The following TSPEAR variants were observed in gnomAD, a reference collection of about 807,000 sequenced individuals.
TSPEAR encodes thrombospondin type laminin G domain and EAR repeats.
TSPEAR carries 69 observed loss-of-function variants against 71.6 expected under a neutral mutation model. The ratio of observed to expected loss-of-function variants is 0.96; its 90% CI spans 0.79 to 1.18. The LOEUF (loss-of-function observed/expected upper bound fraction) is 1.18. Among genes scored for constraint, TSPEAR ranks in the 50% most tolerant of loss-of-function variants. The probability of loss-of-function intolerance (pLI) is 0.00; values close to 1 mark genes in which losing one functional copy is unlikely to be tolerated. For synonymous variants in TSPEAR, 402 were observed against 387.2 expected (o/e 1.04, Z -0.45); for missense variants, 971 against 894.9 (o/e 1.09, Z -1.09).
chr21:44,603,031 C>T (rs1430236165), intron 1 of TSPEAR, among the ~76,000 whole-genome samples: 1 of 146,032 alleles, frequency 6.8e-6, no homozygotes, highest in Non-Finnish European at 1.5e-5. Flanking sequence ...TCTGGTAGTG[C>T]TTCCTTTGAC....
chr21:44,523,471 T>G (rs1208110096), intron 8 of TSPEAR, among the ~76,000 whole-genome samples: 1 of 151,152 alleles, frequency 6.6e-6, no homozygotes, highest in Non-Finnish European at 1.5e-5. Context: ...AATCAGTCAG[T>G]CAGGCAGTTA....
rs1981761734 is a variant in TSPEAR at position 44,612,475 on chromosome 21, G to A, written c.83-44470C>T. Reference sequence around the variant, plus strand: ...CCTGCTGTGTGCCTGTGTGCTGCAAGTCCAACTGCTGCAAGCCCGTGTGCT... The same window carrying A: ...CCTGCTGTGTGCCTGTGTGCTGCAAATCCAACTGCTGCAAGCCCGTGTGCT... On this transcript the variant is annotated intron_variant, in intron 1 of 11. Transcript: ENST00000323084. This position sits in a 1 kb window ranked among gnomAD's most constrained non-coding sequence, Gnocchi z 4.1. 1.2e-6 allele frequency: 2 copies of A among 1,609,494 alleles called. No homozygotes were observed. The highest frequency in any genetic ancestry group is 2.7e-5 in the African/African-American group (2 of 74,376).
intron 1 of TSPEAR, among the ~76,000 whole-genome samples, chr21:44,568,294 C>T (rs1423976317): frequency 6.6e-6 from 1 of 152,208 alleles, no homozygotes; most frequent in Admixed American, 6.5e-5. Context: ...TTCAAGTCGG[C>T]AGCCAGGCAC....
At chr21:44,567,529 C>T (rs1332915421) in intron 2 of TSPEAR, among the ~76,000 whole-genome samples, 1 of 152,158 alleles carries the variant, frequency 6.6e-6, no homozygotes, top group Non-Finnish European at 1.5e-5. Flanking sequence ...AGGATGTCAA[C>T]ATAAAAACTC....
At chr21:44,549,324 T>C (rs2053359038) in intron 2 of TSPEAR, among the ~76,000 whole-genome samples, 1 of 152,152 alleles carries the variant, frequency 6.6e-6, no homozygotes, top group South Asian at 2.1e-4. Flanking sequence ...AAAGGACTGA[T>C]CAGGCTGTTT....
chr21:44,681,217 C>T (rs1202309829), intron 1 of TSPEAR, among the ~76,000 whole-genome samples: 6 of 152,206 alleles, frequency 3.9e-5, no homozygotes, highest in African/African-American at 7.2e-5. Flanking sequence ...AGATCCTCCG[C>T]GACCCGGGAA....
Position 44,612,233 on chromosome 21 carries a change from A to C in TSPEAR, c.83-44228T>G. 6.2e-7 allele frequency: 1 copy of C among 1,613,724 alleles called. No homozygotes were observed. The highest frequency in any genetic ancestry group is 8.5e-7 in the Non-Finnish European group (1 of 1,179,968). ...CACTGGCTCCTCCTGGCAGGTGGACAATTGCCAGGAAAGCTGCTGCGAGCC... is the reference window on the plus strand; with the variant it reads ...CACTGGCTCCTCCTGGCAGGTGGACCATTGCCAGGAAAGCTGCTGCGAGCC... On this transcript the variant is annotated intron_variant, in intron 1 of 11. Coordinates refer to ENST00000323084, the MANE Select transcript of TSPEAR (RefSeq NM_144991.3). The surrounding 1 kb of genome is among the most constrained non-coding windows in gnomAD (Gnocchi z 4.1).
intron 1 of TSPEAR, chr21:44,579,336 T>G (rs1978704563): frequency 2.3e-5 from 5 of 216,900 alleles, no homozygotes; most frequent in South Asian, 1.8e-4. Flanking sequence ...CCTGGAGGAG[T>G]TAGGCCACTG....
intron 1 of TSPEAR, among the ~76,000 whole-genome samples, chr21:44,670,667 A>T (rs1555945733): frequency 6.6e-6 from 1 of 152,112 alleles, no homozygotes; most frequent in Admixed American, 6.5e-5. Context: ...TTACATAGGG[A>T]TTTGCCAGGA....
chr21:44,697,836 C>T, intron 1 of TSPEAR: 1 of 1,613,404 alleles, frequency 6.2e-7, no homozygotes, highest in Non-Finnish European at 8.5e-7. Context: ...GTGCCCGTCC[C>T]CTCCTGCTGT....
chr21:44,503,858 G>T (rs1351027010), intron 11 of TSPEAR, among the ~76,000 whole-genome samples: 2 of 142,878 alleles, frequency 1.4e-5, no homozygotes, highest in Non-Finnish European at 3.1e-5. Flanking sequence ...GAGCCCTTGG[G>T]GGGAAGCCGG....
chr21:44,637,940 C>G (rs782577292), intron 1 of TSPEAR: 1 of 1,613,034 alleles, frequency 6.2e-7, no homozygotes, highest in South Asian at 1.1e-5. Context: ...GTCTAGCTGC[C>G]AGCCTGCTTG....
chr21:44,633,666 T>C (rs755130526), intron 1 of TSPEAR, among the ~76,000 whole-genome samples: 8 of 152,238 alleles, frequency 5.3e-5, no homozygotes, highest in Non-Finnish European at 8.8e-5. Flanking sequence ...TCTGGAGAAC[T>C]GAGAAGAATT....
chr21:44,627,926 C>T lies in TSPEAR; in HGVS notation c.83-59921G>A, dbSNP rs1240283120. The T allele has an allele frequency of 1.3e-6, 2 of 1,519,074 alleles. No homozygotes were observed. The highest frequency in any genetic ancestry group is 1.8e-6 in the Non-Finnish European group (2 of 1,117,560). The allele number at this position is 1,519,074 out of a possible 1,614,324, so 94.1% of individuals were successfully genotyped here. A position where few individuals can be genotyped will look rare whatever the true frequency, so the allele number is the denominator to read the frequency against. On this transcript the variant is annotated intron_variant, in intron 1 of 11. Transcript: ENST00000323084. ...TGCGTGCCCGTCTCCTCCTGCTGTG[C>T]CCCCACCTCCTCCCGCCAGCCCAGC...
chr21:44,651,735 C>G (rs1056302707), intron 1 of TSPEAR, among the ~76,000 whole-genome samples: 1 of 152,258 alleles, frequency 6.6e-6, no homozygotes, highest in South Asian at 2.1e-4. Context: ...ATTAGCCACA[C>G]GTGTGAAGTC....
intron 1 of TSPEAR, among the ~76,000 whole-genome samples, chr21:44,704,257 A>T (rs1459443952): frequency 7.8e-6 from 1 of 127,608 alleles, no homozygotes; most frequent in South Asian, 3.0e-4. Context: ...CCACCCCCCC[A>T]CCACTCTCCA....
chr21:44,539,490 A>G (rs782609052), intron 2 of TSPEAR: 6 of 1,613,904 alleles, frequency 3.7e-6, no homozygotes, highest in East Asian at 4.5e-5. Context: ...GAGGTGGTGC[A>G]GCAAGCCGGC....
At chr21:44,604,009 C>T (rs1015744667) in intron 1 of TSPEAR, among the ~76,000 whole-genome samples, 1 of 152,216 alleles carries the variant, frequency 6.6e-6, no homozygotes, top group African/African-American at 2.4e-5. Flanking sequence ...CGTGGGCTGG[C>T]AGGTTCCAGC....
intron 1 of TSPEAR, chr21:44,637,976 T>A (rs781901765): frequency 6.2e-7 from 1 of 1,613,652 alleles, no homozygotes; most frequent in Non-Finnish European, 8.5e-7. Flanking sequence ...CTGCAGACCC[T>A]CCTCCTCCGT....
Sources: allele counts gnomAD v4.1 joint callset (sites outside exome capture counted in the v4.1 genomes callset), GRCh38; gene constraint gnomAD v4.1.1; non-coding constraint Gnocchi (gnomAD v3.1); transcripts MANE v1.5; gene names NCBI Gene and HGNC (gene_info 2026-07-23, HGNC 2026-07-21).